Variants in CASR observed in about 807,000 individuals in gnomAD.
The protein encoded by CASR is extracellular calcium-sensing receptor.
In CASR, 23 loss-of-function variants were observed where a neutral mutation model predicts 69.1. The observed-to-expected ratio is 0.33, with a 90% CI of 0.24 to 0.47. The LOEUF is 0.47. Among genes scored for constraint, CASR ranks in the 20% least tolerant of loss-of-function variants. The pLI, the probability that CASR is intolerant of heterozygous loss-of-function variation, is 1.00. For missense variants in CASR, 924 were observed against 1,356.1 expected, an observed-to-expected ratio of 0.68 and a Z score of 5.00; for synonymous variants, 541 against 544.7, an observed-to-expected ratio of 0.99 and a Z score of 0.10.
rs569432915 is a variant in CASR, at chr3:122,227,660, G to A, written c.-242-26288G>A. ...GTGACCTGAAGGGCTCCTCAAGCACGGCCACAGTGGGAGCCAAGGCCGAGG... is the reference window on the plus strand; with the variant it reads ...GTGACCTGAAGGGCTCCTCAAGCACAGCCACAGTGGGAGCCAAGGCCGAGG... On this transcript the variant is annotated intron_variant, in intron 1 of 6. Transcript: ENST00000639785. 1.1e-4 allele frequency among the ~76,000 whole-genome samples: 16 copies of A among 152,314 alleles called. No individual in the cohort carries two copies. In the East Asian group the frequency reaches 2.1e-3, roughly 20 times the overall value.
At chr3:122,255,495 C>A (rs576405724) in intron 2 of CASR, among the ~76,000 whole-genome samples, 1 of 152,294 alleles carries the variant, frequency 6.6e-6, no homozygotes, top group South Asian at 2.1e-4. Flanking sequence ...AGTGCAGAAT[C>A]GCACTGATGC....
intron 4 of CASR, among the ~76,000 whole-genome samples, chr3:122,266,052 T>TGAACAAGA: frequency 6.6e-6 from 1 of 152,148 alleles, no homozygotes; most frequent in Admixed American, 6.5e-5. Context: ...TTCATTATCT[T>TGAACAAGA]GTTCATTATC....
chr3:122,199,599 T>C (rs528871001), intron 1 of CASR, among the ~76,000 whole-genome samples: 1 of 152,300 alleles, frequency 6.6e-6, no homozygotes, highest in Non-Finnish European at 1.5e-5. Context: ...GTAAAAATAG[T>C]CCATAATCTG....
In CASR at chr3:122,288,013, C is replaced by T. The variant is rs1392818778; in HGVS notation, c.*2822C>T. On this transcript the variant is annotated 3_prime_UTR_variant, in exon 7 of 7. Coordinates refer to ENST00000639785, the MANE Select transcript of CASR (RefSeq NM_000388.4). The stretch of plus-strand genomic sequence containing the variant: ...GATGCCCACATCCTCATCTCTAGAA[C>T]CTATGGCTATGTTGTTACATGGCAA... 1 of 152,232 alleles carries T rather than the reference C, an allele frequency of 6.6e-6. No individual in the cohort carries two copies. The highest frequency in any genetic ancestry group is 2.4e-5 in the African/African-American group (1 of 41,454). The allele number at this position is 152,232 out of a possible 1,614,324, so 9.4% of individuals were successfully genotyped here.
At chr3:122,218,602 G>A (rs970805975) in intron 1 of CASR, among the ~76,000 whole-genome samples, 6 of 89,334 alleles carry the variant, frequency 6.7e-5, no homozygotes, top group Non-Finnish European at 1.5e-4. Flanking sequence ...GTGGTGAACT[G>A]GATAAAGGAG....
At chr3:122,197,795 A>G (rs1409285150) in intron 1 of CASR, among the ~76,000 whole-genome samples, 4 of 152,048 alleles carry the variant, frequency 2.6e-5, no homozygotes, top group Non-Finnish European at 4.4e-5. Context: ...TTCTGCTGTC[A>G]TCACTTTGAT....
intron 1 of CASR, among the ~76,000 whole-genome samples, chr3:122,190,295 G>A (rs1243143823): frequency 6.6e-6 from 1 of 152,172 alleles, no homozygotes; most frequent in Non-Finnish European, 1.5e-5. Flanking sequence ...AGGAGGCTAG[G>A]TGATCTTCTC....
Position 122,254,021 on chromosome 3 carries a change from T to C in CASR, c.-169T>C. ...GACCACCCACATTACAAGTCTGGAT[T>C]GAGGAAGGCAGAAATGGAGATTCAA... is the stretch of plus-strand genomic sequence containing the variant. On this transcript the variant is annotated 5_prime_UTR_variant, in exon 2 of 7. Coordinates refer to ENST00000639785, the MANE Select transcript of CASR (RefSeq NM_000388.4). The C allele has an allele frequency of 1.4e-6, 1 of 735,148 alleles. No homozygotes were observed. The highest frequency in any genetic ancestry group is 2.6e-5 in the East Asian group (1 of 38,672). The allele number at this position is 735,148 out of a possible 1,614,324, so 45.5% of individuals were successfully genotyped here.
intron 1 of CASR, among the ~76,000 whole-genome samples, chr3:122,229,767 CAGG>C (rs1162209831): frequency 3.3e-5 from 5 of 152,168 alleles, no homozygotes; most frequent in Admixed American, 2.0e-4. Flanking sequence ...GAGGCTGAGG[CAGG>C]AGAATTGCTT....
At chr3:122,266,506 T>G (rs1175018051) in intron 4 of CASR, among the ~76,000 whole-genome samples, 1 of 152,076 alleles carries the variant, frequency 6.6e-6, no homozygotes, top group Non-Finnish European at 1.5e-5. Flanking sequence ...CTTGGCTCAC[T>G]GCAAACTCCG....
chr3:122,185,530 C>G (rs189459619), intron 1 of CASR, among the ~76,000 whole-genome samples: 221 of 152,332 alleles, frequency 1.5e-3, no homozygotes, highest in Middle Eastern at 6.8e-3. Context: ...TTATCTTTCC[C>G]CTTAAACTGG....
At chr3:122,282,380 G>A in intron 6 of CASR, 144 bp downstream of exon 6, 2 of 817,736 alleles carry the variant, frequency 2.4e-6, no homozygotes, top group Non-Finnish European at 4.2e-6. Context: ...ATCACAAAAT[G>A]TTGGGCATGG....
intron 1 of CASR, among the ~76,000 whole-genome samples, chr3:122,215,287 C>T (rs2074106404): frequency 6.6e-6 from 1 of 152,162 alleles, no homozygotes; most frequent in South Asian, 2.1e-4. Context: ...TTAAGTAAAG[C>T]CCCTTGAAAA....
chr3:122,191,206 A>G (rs1460968757), intron 1 of CASR, among the ~76,000 whole-genome samples: 1 of 152,264 alleles, frequency 6.6e-6, no homozygotes, highest in East Asian at 1.9e-4. Flanking sequence ...TTTTGTAAGA[A>G]TGAGGAAGTT....
chr3:122,207,288 A>G (rs901327304), intron 1 of CASR, among the ~76,000 whole-genome samples: 1 of 152,108 alleles, frequency 6.6e-6, no homozygotes, highest in African/African-American at 2.4e-5. Flanking sequence ...ACAGGAAAAC[A>G]TCAGAGTTAA....
chr3:122,227,258 C>G (rs2074232421), intron 1 of CASR, among the ~76,000 whole-genome samples: 3 of 152,054 alleles, frequency 2.0e-5, no homozygotes, highest in African/African-American at 7.2e-5. Flanking sequence ...CTCCATGGAG[C>G]AGGGGGTGGT....
intron 3 of CASR, among the ~76,000 whole-genome samples, chr3:122,259,628 A>ATTTTTTTTT (rs11414721): frequency 1.4e-4 from 17 of 122,232 alleles, no homozygotes; most frequent in Non-Finnish European, 2.3e-4. Flanking sequence ...CACATTGGAA[A>ATTTTTTTTT]TTTTTTTTTT....
At chr3:122,274,436 C>T (rs900567866) in intron 4 of CASR, among the ~76,000 whole-genome samples, 1 of 152,202 alleles carries the variant, frequency 6.6e-6, no homozygotes, top group African/African-American at 2.4e-5. Flanking sequence ...AGAAGCAGTG[C>T]CATCTCTGGA....
rs114802085 is a variant in CASR, at chr3:122,270,247, C to T, written c.1378-5565C>T. Among the ~76,000 whole-genome samples the T allele has an allele frequency of 1.8e-3, 270 of 152,326 alleles. 1 individual carries two copies. Among genetic ancestry groups the T allele is most frequent in the African/African-American group, 6.4e-3 (265 of 41,564 alleles). ...GTTTGTCTTTCAAAGACTTTGTCCA[C>T]ATCGTCTAATTTGCCAAATTTACTG... On this transcript the variant is annotated intron_variant, in intron 4 of 6. Transcript: ENST00000639785.
Sources: gnomAD v4.1 joint callset for allele counts (sites outside exome capture counted in the v4.1 genomes callset) on GRCh38, gnomAD v4.1.1 for gene constraint, MANE v1.5 for transcripts, NCBI Gene and HGNC (gene_info 2026-07-23, HGNC 2026-07-21) for gene names.